CHLSN: variants seen among roughly 807,000 people sequenced by gnomAD.
CHLSN encodes cholesin, also known as protein cholesin.
the CHLSN span, among the ~76,000 whole-genome samples, chr7:1,116,372 A>G: frequency 8.1e-4 from 100 of 124,166 alleles, no homozygotes; most frequent in South Asian, 1.7e-3. Flanking sequence ...CTCTAGGGAC[A>G]GCTTCCATCA....
the CHLSN span, among the ~76,000 whole-genome samples, chr7:1,086,347 T>A: frequency 2.6e-5 from 4 of 152,260 alleles, no homozygotes; most frequent in African/African-American, 9.6e-5. Flanking sequence ...TCAGGCATTT[T>A]TAATGCTGAA....
the CHLSN span, among the ~76,000 whole-genome samples, chr7:1,117,474 T>C: frequency 1.2e-3 from 115 of 98,976 alleles, no homozygotes; most frequent in Middle Eastern, 7.8e-3. Flanking sequence ...ATCACTGCAG[T>C]TCTACGGACC....
the CHLSN span, among the ~76,000 whole-genome samples, chr7:1,106,414 G>A: frequency 2.6e-5 from 4 of 152,206 alleles, no homozygotes; most frequent in African/African-American, 9.7e-5. Context: ...AGAGGACAGA[G>A]CCAAGAGAGG....
At chr7:1,123,583 C>G in the CHLSN span, among the ~76,000 whole-genome samples, 2 of 152,026 alleles carry the variant, frequency 1.3e-5, no homozygotes, top group African/African-American at 4.8e-5. The surrounding 1 kb of genome is among the most constrained non-coding windows in gnomAD (Gnocchi z 4.4). Context: ...TTCAGCTTCA[C>G]AAAACGCTTG....
At chr7:993,299 A>G in the CHLSN span, among the ~76,000 whole-genome samples, 22 of 152,196 alleles carry the variant, frequency 1.4e-4, no homozygotes, top group African/African-American at 5.3e-4. Flanking sequence ...CCAGGGCCTG[A>G]CTGTGACTGG....
the CHLSN span, among the ~76,000 whole-genome samples, chr7:1,103,950 G>A: frequency 7.9e-5 from 12 of 152,324 alleles, no homozygotes; most frequent in East Asian, 1.9e-4. Context: ...CCACAGCAGC[G>A]CTGGCCCCTG....
chr7:1,127,160 CCA>C, the CHLSN span: 231 of 1,424,116 alleles, frequency 1.6e-4, no homozygotes, highest in African/African-American at 3.0e-3. Context: ...AGGCTCTGCT[CCA>C]CAGAGACCAG....
At chr7:1,011,177 C>T in the CHLSN span, among the ~76,000 whole-genome samples, 513 of 143,860 alleles carry the variant, frequency 3.6e-3, 5 homozygotes, top group Middle Eastern at 0.018. Context: ...ACCCACCATA[C>T]ACCCACACTC....
the CHLSN span, among the ~76,000 whole-genome samples, chr7:1,105,570 G>GA: frequency 2.6e-5 from 4 of 151,642 alleles, no homozygotes; most frequent in East Asian, 1.9e-4. Context: ...AAAATACTTA[G>GA]AAAAAAAAAT....
chr7:1,078,551 C>T, the CHLSN span, among the ~76,000 whole-genome samples: 5 of 152,124 alleles, frequency 3.3e-5, no homozygotes, highest in African/African-American at 4.8e-5. Flanking sequence ...CCCACACTCC[C>T]GTGACCACAG....
chr7:997,386 G>A, the CHLSN span: 4 of 497,832 alleles, frequency 8.0e-6, no homozygotes, highest in African/African-American at 2.0e-5. Flanking sequence ...TGCGCTGAAG[G>A]CACTGAACCT....
chr7:1,079,670 C>T, the CHLSN span, among the ~76,000 whole-genome samples: 1,035 of 152,280 alleles, frequency 6.8e-3, 12 homozygotes, highest in African/African-American at 0.024. Flanking sequence ...TCTGAGGGGC[C>T]CCGTGGCAGG....
the CHLSN span, among the ~76,000 whole-genome samples, chr7:987,938 G>GC: frequency 1.4e-3 from 200 of 147,784 alleles, 2 homozygotes; most frequent in African/African-American, 4.9e-3. Context: ...TGTCCTGGGG[G>GC]GGTCCCCTGT....
At chr7:1,112,589 A>G in the CHLSN span, among the ~76,000 whole-genome samples, 13 of 152,186 alleles carry the variant, frequency 8.5e-5, no homozygotes, top group Non-Finnish European at 2.9e-5. Context: ...CGATTGGGCC[A>G]ATAGCACATA....
At chr7:1,095,092 C>T in the CHLSN span, among the ~76,000 whole-genome samples, 37 of 151,628 alleles carry the variant, frequency 2.4e-4, no homozygotes, top group East Asian at 4.3e-3. Context: ...GACTCAGGCC[C>T]GGCGCACCCC....
At chr7:1,046,669 C>T in the CHLSN span, among the ~76,000 whole-genome samples, 118 of 152,264 alleles carry the variant, frequency 7.7e-4, 1 homozygote, top group East Asian at 0.019. Context: ...CAGGAGCCTC[C>T]GTGTGCAAAC....
chr7:1,066,119 C>T, the CHLSN span, among the ~76,000 whole-genome samples: 1 of 152,346 alleles, frequency 6.6e-6, no homozygotes, highest in South Asian at 2.1e-4. Flanking sequence ...CGGCAGCCGG[C>T]GGCTGGAGGA....
chr7:1,070,451 C>T, the CHLSN span, among the ~76,000 whole-genome samples: 3 of 120,618 alleles, frequency 2.5e-5, no homozygotes, highest in African/African-American at 7.9e-5. Context: ...AGCCCCTCTG[C>T]CCGGCCAGCA....
the CHLSN span, chr7:1,127,225 G>A: frequency 3.8e-6 from 6 of 1,573,330 alleles, no homozygotes; most frequent in South Asian, 5.9e-5. Context: ...GGATCCCAGA[G>A]GGCAGGGCCA....
Sources: gnomAD v4.1 joint callset for allele counts (sites outside exome capture counted in the v4.1 genomes callset) on GRCh38, gnomAD v4.1.1 for gene constraint, Gnocchi (gnomAD v3.1) non-coding constraint, MANE v1.5 for transcripts, NCBI Gene and HGNC (gene_info 2026-07-23, HGNC 2026-07-21) for gene names.